The following JAK2 variants were observed in gnomAD, a reference collection of about 807,000 sequenced individuals.
The protein encoded by JAK2 is Janus kinase 2, also known as tyrosine-protein kinase JAK2.
In JAK2, 86 loss-of-function variants were observed where a neutral mutation model predicts 139.3. That is an observed-to-expected ratio of 0.62 (90% confidence interval 0.52 to 0.74). The LOEUF (loss-of-function observed/expected upper bound fraction) is 0.74, where lower values mean the gene tolerates loss of function less well. Among genes scored for constraint, JAK2 ranks in the 30% least tolerant of loss-of-function variants. JAK2 has a pLI of 0.00. For missense variants in JAK2, 1,421 were observed against 1,360.3 expected (o/e 1.04, Z -0.70); for synonymous variants, 490 against 437.7 (o/e 1.12, Z -1.49).
intron 4 of JAK2, among the ~76,000 whole-genome samples, chr9:5,032,012 A>G (rs1823189491): frequency 6.6e-6 from 1 of 152,260 alleles, no homozygotes; most frequent in African/African-American, 2.4e-5. Flanking sequence ...TTTCCTAGTC[A>G]AAGAAAGGGG....
chr9:4,997,765 C>T (rs1353680135), intron 2 of JAK2, among the ~76,000 whole-genome samples: 1 of 152,134 alleles, frequency 6.6e-6, no homozygotes, highest in Non-Finnish European at 1.5e-5. Flanking sequence ...GGGAATGACT[C>T]AGAGAAGAAA....
In JAK2 at chr9:5,054,549, T is replaced by C; in HGVS notation, c.615-14T>C. 2 of 1,542,840 alleles carry C rather than the reference T, an allele frequency of 1.3e-6. No individual in the cohort carries two copies. The highest frequency in any genetic ancestry group is 1.7e-6 in the Non-Finnish European group (2 of 1,144,970). On this transcript the variant is annotated splice_polypyrimidine_tract_variant and intron_variant, in intron 6 of 24. Coordinates refer to ENST00000381652, the MANE Select transcript of JAK2 (RefSeq NM_004972.4). This position sits in a 1 kb window ranked among gnomAD's most constrained non-coding sequence, Gnocchi z 4.9. The stretch of plus-strand genomic sequence containing the variant: ...TTTTGTTTTGTTTTTCTGTATGTGC[T>C]TTTTTATCCCTAGCTACAAGACATT...
chr9:5,107,150 G>T (rs1011153612), intron 22 of JAK2, among the ~76,000 whole-genome samples: 1 of 151,978 alleles, frequency 6.6e-6, no homozygotes, highest in Non-Finnish European at 1.5e-5. Flanking sequence ...TACTGATGAG[G>T]ATCCTACTCT....
At chr9:5,056,493 A>G (rs1410059227) in intron 8 of JAK2, among the ~76,000 whole-genome samples, 1 of 152,052 alleles carries the variant, frequency 6.6e-6, no homozygotes, top group Non-Finnish European at 1.5e-5. Context: ...TTCCAGGGTT[A>G]TATTACCAAA....
intron 2 of JAK2, among the ~76,000 whole-genome samples, chr9:5,009,651 A>G (rs1421690201): frequency 1.3e-5 from 2 of 152,104 alleles, no homozygotes; most frequent in African/African-American, 4.8e-5. Context: ...CCCCTGCCCC[A>G]TCCCCATCCT....
Position 5,054,607 on chromosome 9 carries a change from A to T in JAK2, c.659A>T (p.Asp220Val), listed in dbSNP as rs1182671764. Residue 220 changes from aspartate to valine, a missense_variant, in exon 7 of 25, where the codon GAC becomes GTC. Coordinates refer to ENST00000381652, the MANE Select transcript of JAK2 (RefSeq NM_004972.4). The surrounding 1 kb of genome is among the most constrained non-coding windows in gnomAD (Gnocchi z 4.9). ...LPKCIRAKIQ[D>V]YHILTRKRIR... ...AAATGTATTCGAGCAAAGATCCAAG[A>T]CTATCATATTTTGACAAGGAAGCGA... 6.2e-7 allele frequency: 1 copy of T among 1,611,438 alleles called. No individual in the cohort carries two copies. The highest frequency in any genetic ancestry group is 8.5e-7 in the Non-Finnish European group (1 of 1,178,462).
At chr9:4,989,829 G>C (rs1361320147) in intron 2 of JAK2, among the ~76,000 whole-genome samples, 1 of 152,180 alleles carries the variant, frequency 6.6e-6, no homozygotes, top group African/African-American at 2.4e-5. Flanking sequence ...GTGTGAAAGA[G>C]TAGTAAGAAA....
rs557460712 is a variant in JAK2, at chr9:5,045,551, C to T, written c.468+1031C>T. On this transcript the variant is annotated intron_variant, in intron 5 of 24. Coordinates refer to ENST00000381652, the MANE Select transcript of JAK2 (RefSeq NM_004972.4). ...CATCTTCCCAAATGGAAACTTCATA[C>T]CCATTAAATAATAACTCTGTATTTC... Among the ~76,000 whole-genome samples the T allele has an allele frequency of 7.2e-5, 11 of 152,278 alleles. No individual in the cohort carries two copies. The East Asian group carries it at 2.1e-3, about 29-fold the overall frequency.
intron 2 of JAK2, among the ~76,000 whole-genome samples, chr9:5,018,117 G>A (rs1485799815): frequency 6.6e-6 from 1 of 152,108 alleles, no homozygotes; most frequent in East Asian, 1.9e-4. Flanking sequence ...GATATGTGAA[G>A]GCTTATTCCT....
intron 4 of JAK2, among the ~76,000 whole-genome samples, chr9:5,038,600 T>A (rs866417240): frequency 0.013 from 1,002 of 79,890 alleles, 10 homozygotes; most frequent in African/African-American, 0.049. Flanking sequence ...TTTTAGATTT[T>A]TTTTTTTTTT....
Position 5,127,015 on chromosome 9 carries a change from A to G in JAK2, c.*224A>G. The G allele has an allele frequency of 6.4e-6, 2 of 312,678 alleles. No homozygotes were observed. Among genetic ancestry groups the G allele is most frequent in the Non-Finnish European group, 1.2e-5 (2 of 169,686 alleles). The allele number at this position is 312,678 out of a possible 1,614,324, so 19.4% of individuals were successfully genotyped here. A position where few individuals can be genotyped will look rare whatever the true frequency, so the allele number is the denominator to read the frequency against. ...GAGAATTCCTTAGCAAGGATTTTGT[A>G]AGAAGTTTCTTAAACATTGTCAGTT... On this transcript the variant is annotated 3_prime_UTR_variant, in exon 25 of 25. Coordinates refer to ENST00000381652, the MANE Select transcript of JAK2 (RefSeq NM_004972.4).
At position 5,069,936 on chromosome 9, in the gene JAK2, C is replaced by A; in HGVS notation, c.1525C>A (p.Leu509Ile). The part of the protein sequence containing the change: ...CPPKPKDKSN[L>I]LVFRTNGVSD... ...TTTTATTTTTTCAGATAAATCAAAC[C>A]TTCTAGTCTTCAGAACGAATGGTGT... Residue 509 changes from leucine to isoleucine, a missense_variant, in exon 12 of 25, where the codon CTT (leucine) becomes ATT (isoleucine). Leu to Ile is a conservative substitution (Grantham distance 5). Coordinates refer to ENST00000381652, the MANE Select transcript of JAK2 (RefSeq NM_004972.4). 6.3e-7 allele frequency: 1 copy of A among 1,595,788 alleles called. No homozygotes were observed. The highest frequency in any genetic ancestry group is 1.1e-5 in the South Asian group (1 of 88,866).
chr9:5,082,044 G>C (rs938734363), intron 19 of JAK2, among the ~76,000 whole-genome samples, 183 bp downstream of exon 19: 1 of 152,194 alleles, frequency 6.6e-6, no homozygotes, highest in African/African-American at 2.4e-5. Context: ...AATGAAGGGG[G>C]CCAGCCCCTC....
At chr9:5,085,240 C>T (rs568101797) in intron 19 of JAK2, 58 of 672,552 alleles carry the variant, frequency 8.6e-5, no homozygotes, top group African/African-American at 8.5e-4. Flanking sequence ...TAGGACAGGA[C>T]CAGTGGCTAA....
intron 14 of JAK2, among the ~76,000 whole-genome samples, chr9:5,077,225 A>G: frequency 6.7e-6 from 1 of 150,016 alleles, no homozygotes; most frequent in East Asian, 1.9e-4. Context: ...CATTTATGTT[A>G]TATATAATAA....
At chr9:5,077,654 GA>G (rs1819398134) in intron 15 of JAK2, 74 bp downstream of exon 15, 2 of 966,582 alleles carry the variant, frequency 2.1e-6, no homozygotes, top group Non-Finnish European at 2.9e-6. Context: ...TCTTTACCTG[GA>G]AACAAAAAAT....
chr9:5,123,543 G>A (rs1444255594), intron 23 of JAK2, among the ~76,000 whole-genome samples: 1 of 151,788 alleles, frequency 6.6e-6, no homozygotes, highest in African/African-American at 2.4e-5. Context: ...TCTTTATCCA[G>A]TCATCCACTG....
At chr9:5,112,746 G>A (rs1009514112) in intron 22 of JAK2, 17 of 690,988 alleles carry the variant, frequency 2.5e-5, no homozygotes, top group Middle Eastern at 2.7e-4. Context: ...TGTTTGAAAC[G>A]GCGAGAAGAG....
In JAK2 at chr9:5,126,360, A is replaced by T; in HGVS notation, c.3205A>T (p.Lys1069Ter). Residue 1069 changes from lysine (K) to a stop codon, truncating the protein, a stop_gained, in exon 24 of 25, where the codon AAA becomes TAA. Coordinates refer to ENST00000381652, the MANE Select transcript of JAK2 (RefSeq NM_004972.4). LOFTEE classifies it high-confidence loss of function. ...AEFMRMIGND[K>*]QGQMIVFHLI... ...ATTTATGCGTATGATTGGCAATGAC[A>T]AACAAGGACAGATGATCGTGTTCCA... 6.2e-7 allele frequency: 1 copy of T among 1,609,530 alleles called. No homozygotes were observed. Among genetic ancestry groups the T allele is most frequent in the Non-Finnish European group, 8.5e-7 (1 of 1,177,474 alleles).
Sources: gnomAD v4.1 joint callset for allele counts (sites outside exome capture counted in the v4.1 genomes callset) on GRCh38, gnomAD v4.1.1 for gene constraint, Gnocchi (gnomAD v3.1) non-coding constraint, MANE v1.5 for transcripts, NCBI Gene and HGNC (gene_info 2026-07-23, HGNC 2026-07-21) for gene names.